GALNTL6: variants seen among roughly 807,000 people sequenced by gnomAD.
GALNTL6 encodes polypeptide N-acetylgalactosaminyltransferase like 6, also known as polypeptide N-acetylgalactosaminyltransferase-like 6.
GALNTL6 carries 46 observed loss-of-function variants against 73.7 expected under a neutral mutation model. The ratio of observed to expected loss-of-function variants is 0.62; its 90% CI spans 0.49 to 0.80. The LOEUF (loss-of-function observed/expected upper bound fraction) is 0.80, where lower values mean the gene tolerates loss of function less well. Among genes scored for constraint, GALNTL6 ranks in the 30% least tolerant of loss-of-function variants. GALNTL6 has a pLI of 0.00. For synonymous variants in GALNTL6, 259 were observed against 263.7 expected, an observed-to-expected ratio of 0.98 and a Z score of 0.17; for missense variants, 604 against 755.0, an observed-to-expected ratio of 0.80 and a Z score of 2.34.
At chr4:172,182,127 A>G (rs1735267133) in intron 2 of GALNTL6, among the ~76,000 whole-genome samples, 1 of 152,212 alleles carries the variant, frequency 6.6e-6, no homozygotes, top group Non-Finnish European at 1.5e-5. Flanking sequence ...AGACAAACAA[A>G]GAGCCAAATC....
chr4:172,666,547 C>T (rs567744494), intron 5 of GALNTL6, among the ~76,000 whole-genome samples: 1 of 152,302 alleles, frequency 6.6e-6, no homozygotes, highest in South Asian at 2.1e-4. Context: ...GTCTGCCCAG[C>T]AACTGCTTGT....
At chr4:172,111,683 T>G (rs144422126) in intron 2 of GALNTL6, among the ~76,000 whole-genome samples, 1 of 152,146 alleles carries the variant, frequency 6.6e-6, no homozygotes, top group East Asian at 1.9e-4. Context: ...TGGGGGTAAT[T>G]TTCTATTTTA....
At chr4:172,180,688 C>G (rs1342835390) in intron 2 of GALNTL6, among the ~76,000 whole-genome samples, 5 of 151,920 alleles carry the variant, frequency 3.3e-5, no homozygotes, top group African/African-American at 1.2e-4. Flanking sequence ...TTTCCCAACA[C>G]CATTTATTCA....
intron 7 of GALNTL6, among the ~76,000 whole-genome samples, chr4:172,845,581 C>A (rs1743466864): frequency 6.6e-6 from 1 of 152,176 alleles, no homozygotes; most frequent in Admixed American, 6.5e-5. Flanking sequence ...CTTCAAAAAT[C>A]ATTGAGACTA....
At position 172,895,398 on chromosome 4, in the gene GALNTL6, A is replaced by T. The variant is rs972619250; in HGVS notation, c.1041+12491A>T. Among the ~76,000 whole-genome samples, 747 of 136,714 alleles carry T rather than the reference A, an allele frequency of 5.5e-3. 8 individuals carry two copies. Among genetic ancestry groups the T allele is most frequent in the African/African-American group, 0.023 (716 of 31,284 alleles). The allele number at this position is 136,714 out of a possible 152,430, so 89.7% of individuals were successfully genotyped here. A position where few individuals can be genotyped will look rare whatever the true frequency, so the allele number is the denominator to read the frequency against. On this transcript the variant is annotated intron_variant, in intron 8 of 12. Transcript: ENST00000506823. ...TAGTGTTTTTGTTATATATATATAT[A>T]TATATTTTTTTTTTGCTTTCAGCAC... is the stretch of plus-strand genomic sequence containing the variant.
intron 3 of GALNTL6, among the ~76,000 whole-genome samples, chr4:172,304,126 A>C (rs1162223218): frequency 6.6e-6 from 1 of 152,186 alleles, no homozygotes; most frequent in Non-Finnish European, 1.5e-5. Flanking sequence ...TGTGGTGTTC[A>C]TATTTCATCC....
intron 2 of GALNTL6, among the ~76,000 whole-genome samples, chr4:172,142,084 C>T (rs10017456): frequency 0.46 from 69,043 of 151,692 alleles, 16,580 homozygotes; most frequent in African/African-American, 0.6. Context: ...GATGGATTTT[C>T]TTATGGTCTC....
At chr4:172,012,489 C>G (rs1579057607) in intron 2 of GALNTL6, among the ~76,000 whole-genome samples, 2 of 152,236 alleles carry the variant, frequency 1.3e-5, no homozygotes, top group East Asian at 3.9e-4. Flanking sequence ...ATGCCATTGA[C>G]TTCTACTATC....
At chr4:172,563,091 A>C (rs993192915) in intron 5 of GALNTL6, among the ~76,000 whole-genome samples, 1 of 152,240 alleles carries the variant, frequency 6.6e-6, no homozygotes, top group Admixed American at 6.5e-5. Context: ...TAGGTTGCTC[A>C]AGTGTTTTAA....
At chr4:172,188,367 C>T (rs1023400391) in intron 2 of GALNTL6, among the ~76,000 whole-genome samples, 1 of 152,108 alleles carries the variant, frequency 6.6e-6, no homozygotes, top group South Asian at 2.1e-4. Flanking sequence ...AAATTCCCAC[C>T]ATGAAAAGCT....
intron 7 of GALNTL6, among the ~76,000 whole-genome samples, chr4:172,878,135 C>T (rs62340322): frequency 0.094 from 14,319 of 151,846 alleles, 913 homozygotes; most frequent in East Asian, 0.29. Context: ...CAATGTGACA[C>T]ATTAAAATCT....
intron 2 of GALNTL6, among the ~76,000 whole-genome samples, chr4:171,981,090 A>G (rs1007673278): frequency 6.6e-6 from 1 of 152,184 alleles, no homozygotes; most frequent in Non-Finnish European, 1.5e-5. Context: ...TCCTGACACA[A>G]CCTCAGGGGT....
intron 2 of GALNTL6, among the ~76,000 whole-genome samples, chr4:172,028,281 G>A (rs1199928763): frequency 1.4e-5 from 2 of 147,932 alleles, no homozygotes; most frequent in African/African-American, 4.9e-5. Flanking sequence ...GTGGTAGTGC[G>A]AAATGAAAAA....
At chr4:172,606,810 G>A (rs574411586) in intron 5 of GALNTL6, among the ~76,000 whole-genome samples, 1 of 150,562 alleles carries the variant, frequency 6.6e-6, no homozygotes, top group Non-Finnish European at 1.5e-5. Flanking sequence ...GAGGAGTATC[G>A]AGCTTCAGAA....
At chr4:172,907,381 C>T (rs1470046877) in intron 8 of GALNTL6, among the ~76,000 whole-genome samples, 1 of 152,076 alleles carries the variant, frequency 6.6e-6, no homozygotes, top group Non-Finnish European at 1.5e-5. Flanking sequence ...TAATATTACA[C>T]AATAGACTAG....
chr4:172,522,071 A>C (rs1036629100), intron 5 of GALNTL6, among the ~76,000 whole-genome samples: 2 of 152,212 alleles, frequency 1.3e-5, no homozygotes, highest in African/African-American at 2.4e-5. Context: ...CTCAATATAG[A>C]GAATGTGTCC....
chr4:172,496,319 G>A (rs1734069378), intron 5 of GALNTL6, among the ~76,000 whole-genome samples: 1 of 152,136 alleles, frequency 6.6e-6, no homozygotes, highest in South Asian at 2.1e-4. Flanking sequence ...GAATTTATGA[G>A]AATTGGCTAA....
chr4:171,973,803 CAT>C (rs1468889889), intron 2 of GALNTL6, among the ~76,000 whole-genome samples: 1 of 152,196 alleles, frequency 6.6e-6, no homozygotes, highest in African/African-American at 2.4e-5. Context: ...GTTATAGAGA[CAT>C]GTGTTTGTCA....
intron 2 of GALNTL6, among the ~76,000 whole-genome samples, chr4:171,965,555 C>G (rs1361950923): frequency 6.7e-6 from 1 of 149,822 alleles, no homozygotes; most frequent in African/African-American, 2.5e-5. Flanking sequence ...ACTTGGTAGG[C>G]TGAGGCAGGA....
Sources: gnomAD v4.1 joint callset for allele counts (sites outside exome capture counted in the v4.1 genomes callset) on GRCh38, gnomAD v4.1.1 for gene constraint, MANE v1.5 for transcripts, NCBI Gene and HGNC (gene_info 2026-07-23, HGNC 2026-07-21) for gene names.